SLC5A12: variants seen among roughly 807,000 people sequenced by gnomAD.
SLC5A12 encodes sodium-coupled monocarboxylate transporter 2.
Under a neutral mutation model 72.7 loss-of-function variants are expected in SLC5A12, and 46 were observed. The ratio of observed to expected loss-of-function variants is 0.63; its 90% CI spans 0.50 to 0.81. The LOEUF (loss-of-function observed/expected upper bound fraction) is 0.81, where lower values mean the gene tolerates loss of function less well. Ranked by LOEUF, SLC5A12 falls within the 30% of genes least tolerant of loss-of-function variation. The pLI, the probability that SLC5A12 is intolerant of heterozygous loss-of-function variation, is 0.00. For missense variants in SLC5A12, 683 were observed against 740.7 expected (o/e 0.92, Z 0.90); for synonymous variants, 275 against 264.4 (o/e 1.04, Z -0.39).
At chr11:26,677,942 C>A (rs909557305) in intron 13 of SLC5A12, among the ~76,000 whole-genome samples, 1 of 152,124 alleles carries the variant, frequency 6.6e-6, no homozygotes, top group Non-Finnish European at 1.5e-5. Flanking sequence ...TATTCCACCC[C>A]ATTATCTCCC....
intron 10 of SLC5A12, 111 bp from the exon 11 acceptor site, chr11:26,683,954 G>A: frequency 2.7e-6 from 2 of 752,052 alleles, no homozygotes; most frequent in Non-Finnish European, 2.2e-6. Flanking sequence ...TCCTGACTGT[G>A]CCATTTGTTA....
chr11:26,702,214 A>G (rs953623611), intron 6 of SLC5A12, among the ~76,000 whole-genome samples: 1 of 152,188 alleles, frequency 6.6e-6, no homozygotes, highest in Non-Finnish European at 1.5e-5. Context: ...TTACAATATT[A>G]TTTATTGAAA....
At chr11:26,688,317 G>A (rs1213863108) in intron 9 of SLC5A12, among the ~76,000 whole-genome samples, 1 of 152,182 alleles carries the variant, frequency 6.6e-6, no homozygotes, top group Non-Finnish European at 1.5e-5. Context: ...ACAAAACACA[G>A]GCATAGGTGA....
intron 11 of SLC5A12, among the ~76,000 whole-genome samples, chr11:26,681,753 T>C (rs191648059): frequency 6.6e-6 from 1 of 152,196 alleles, no homozygotes; most frequent in Admixed American, 6.6e-5. Context: ...TCTTGATAAA[T>C]AGTGAAAAGT....
rs1854059968 is a variant in SLC5A12 at position 26,668,804 on chromosome 11, T to C, written c.*2298A>G. The C allele has an allele frequency of 6.6e-6, 1 of 152,042 alleles. No homozygotes were observed. Among genetic ancestry groups the C allele is most frequent in the Non-Finnish European group, 1.5e-5 (1 of 67,994 alleles). The allele number at this position is 152,042 out of a possible 1,614,324, so 9.4% of individuals were successfully genotyped here. On this transcript the variant is annotated 3_prime_UTR_variant, in exon 15 of 15. Coordinates refer to ENST00000396005, the MANE Select transcript of SLC5A12 (RefSeq NM_178498.4). ...ACAAGAGAAGGCAGAGATATTTTTA[T>C]AATAATAATTGCATTTTCCAGTTGT...
intron 1 of SLC5A12, among the ~76,000 whole-genome samples, chr11:26,714,720 A>G (rs989480616): frequency 6.6e-6 from 1 of 152,142 alleles, no homozygotes; most frequent in Non-Finnish European, 1.5e-5. Context: ...TCCTTTCCCT[A>G]GAAACATTAG....
At chr11:26,685,905 G>A (rs968718424) in intron 10 of SLC5A12, among the ~76,000 whole-genome samples, 2 of 152,160 alleles carry the variant, frequency 1.3e-5, no homozygotes, top group Non-Finnish European at 2.9e-5. Flanking sequence ...ATTGGGAGTT[G>A]TGAGTTCGGC....
Position 26,675,703 on chromosome 11 carries a change from T to C in SLC5A12, c.1580-2174A>G, listed in dbSNP as rs1290005563. On this transcript the variant is annotated intron_variant, in intron 13 of 14. Coordinates refer to ENST00000396005, the MANE Select transcript of SLC5A12 (RefSeq NM_178498.4). The stretch of plus-strand genomic sequence containing the variant: ...CCCTTCCTCTGAGCAGAACCAACTC[T>C]ATGCCAAGGTACTGACTCCATGAGC... Among the ~76,000 whole-genome samples the C allele has an allele frequency of 6.6e-5, 10 of 152,172 alleles. 1 individual carries two copies. The highest frequency in any genetic ancestry group is 5.9e-4 in the Admixed American group (9 of 15,266).
chr11:26,676,015 GGAGA>G (rs935090220), intron 13 of SLC5A12, among the ~76,000 whole-genome samples: 3 of 151,830 alleles, frequency 2.0e-5, no homozygotes, highest in Non-Finnish European at 4.4e-5. Context: ...GTGACAAAGA[GGAGA>G]GAGAGACTGA....
At chr11:26,692,945 G>A (rs1854718781) in intron 8 of SLC5A12, among the ~76,000 whole-genome samples, 1 of 152,130 alleles carries the variant, frequency 6.6e-6, no homozygotes, top group Non-Finnish European at 1.5e-5. Flanking sequence ...AGGTTGGAGT[G>A]GAGGCAGAAA....
At chr11:26,714,852 C>T (rs1162857295) in intron 1 of SLC5A12, among the ~76,000 whole-genome samples, 2 of 152,072 alleles carry the variant, frequency 1.3e-5, no homozygotes, top group East Asian at 3.9e-4. Flanking sequence ...TCTCCCAAAC[C>T]TGAGGTAGAA....
intron 4 of SLC5A12, 138 bp downstream of exon 4, chr11:26,709,174 G>A (rs1472393500): frequency 1.8e-6 from 1 of 554,560 alleles, no homozygotes; most frequent in Non-Finnish European, 3.1e-6. Flanking sequence ...TCAGGAAACT[G>A]TGACAGATAA....
chr11:26,699,448 C>T (rs901722403), intron 6 of SLC5A12, among the ~76,000 whole-genome samples: 10 of 152,158 alleles, frequency 6.6e-5, no homozygotes, highest in Admixed American at 1.3e-4. Context: ...AATCAAAGTC[C>T]ACATTTATAA....
chr11:26,683,639 C>T (rs1015581591), intron 11 of SLC5A12, 118 bp downstream of exon 11: 6 of 729,884 alleles, frequency 8.2e-6, no homozygotes, highest in Non-Finnish European at 9.2e-6. Context: ...TTTAATTCTG[C>T]TGTGGATTCT....
chr11:26,698,658 G>C, intron 6 of SLC5A12, 123 bp from the exon 7 acceptor site: 1 of 845,760 alleles, frequency 1.2e-6, no homozygotes, highest in South Asian at 2.9e-5. Context: ...AAATTCTATA[G>C]CCTTTAAGAA....
At chr11:26,709,244 G>T in intron 4 of SLC5A12, 68 bp downstream of exon 4, 1 of 1,158,948 alleles carries the variant, frequency 8.6e-7, no homozygotes, top group Non-Finnish European at 1.3e-6. Context: ...GATGCCTATT[G>T]CTGGAGATTT....
chr11:26,691,416 C>A (rs994376968), intron 9 of SLC5A12, among the ~76,000 whole-genome samples: 1 of 150,704 alleles, frequency 6.6e-6, no homozygotes, highest in South Asian at 2.1e-4. Context: ...TTTAGAAGTT[C>A]GTGTTAAGGA....
At chr11:26,678,602 G>C in intron 13 of SLC5A12, 110 bp downstream of exon 13, 1 of 757,532 alleles carries the variant, frequency 1.3e-6, no homozygotes, top group East Asian at 2.5e-5. Flanking sequence ...GTGGGAAGAA[G>C]GGTTTTTGTG....
chr11:26,721,619 C>T lies in SLC5A12; in HGVS notation c.96G>A (p.Glu32=). Residue 32 remains glutamate (E), a synonymous_variant, in exon 1 of 15, where the codon GAG becomes GAA. Transcript: ENST00000396005. ...ACTCTCGGGAAGTTGCCTTTTTTCT[C>T]TCCTTAATGGCAAAGAACACCCCAA... ...SGIGVFFAIK[E]RKKATSREFL... 6.2e-7 allele frequency: 1 copy of T among 1,614,150 alleles called. No homozygotes were observed. Among genetic ancestry groups the T allele is most frequent in the Non-Finnish European group, 8.5e-7 (1 of 1,180,018 alleles).
Sources: allele counts gnomAD v4.1 joint callset (sites outside exome capture counted in the v4.1 genomes callset), GRCh38; gene constraint gnomAD v4.1.1; transcripts MANE v1.5; gene names NCBI Gene and HGNC (gene_info 2026-07-23, HGNC 2026-07-21).